Variants in ATP2B2 observed in about 807,000 individuals in gnomAD.
ATP2B2 encodes the protein ATPase plasma membrane Ca2+ transporting 2.
In ATP2B2, 15 loss-of-function variants were observed where a neutral mutation model predicts 120.0. The ratio of observed to expected loss-of-function variants is 0.12; its 90% CI spans 0.08 to 0.19. The LOEUF is 0.19. Ranked by LOEUF, ATP2B2 falls within the 10% of genes least tolerant of loss-of-function variation. ATP2B2 has a pLI of 1.00. For synonymous variants in ATP2B2, 694 were observed against 700.3 expected, an observed-to-expected ratio of 0.99 and a Z score of 0.14; for missense variants, 1,045 against 1,719.8, an observed-to-expected ratio of 0.61 and a Z score of 6.94.
At chr3:10,667,466 C>T (rs894579084) in intron 1 of ATP2B2, among the ~76,000 whole-genome samples, 2 of 152,202 alleles carry the variant, frequency 1.3e-5, no homozygotes, top group African/African-American at 4.8e-5. Context: ...TGGGTGAGAA[C>T]GCATCCTTCT....
rs141184574 is a variant in ATP2B2, at chr3:10,568,288, C to T, written c.-414-34155G>A. Among the ~76,000 whole-genome samples the T allele has an allele frequency of 2.5e-3, 376 of 152,314 alleles. 1 individual carries two copies. The highest frequency in any genetic ancestry group is 8.6e-3 in the African/African-American group (356 of 41,572). On this transcript the variant is annotated intron_variant, in intron 2 of 21. Transcript: ENST00000646379. ...CGGTACTGTGAACCAAGCCAGCTTG[C>T]TCATCCAGTGCCATATTCTCCACCC...
chr3:10,433,961 C>T (rs979303855), intron 2 of ATP2B2, among the ~76,000 whole-genome samples: 1 of 152,070 alleles, frequency 6.6e-6, no homozygotes, highest in Non-Finnish European at 1.5e-5. Context: ...TTGCTCACTG[C>T]TATATACCTA....
chr3:10,419,425 A>C (rs1370622173), intron 2 of ATP2B2, among the ~76,000 whole-genome samples: 2 of 152,150 alleles, frequency 1.3e-5, no homozygotes, highest in Non-Finnish European at 2.9e-5. Flanking sequence ...ACCACCGTAC[A>C]CCACTAATGT....
chr3:10,522,655 G>T lies in ATP2B2; in HGVS notation c.-320+11384C>A, dbSNP rs562818800. 4.6e-5 allele frequency among the ~76,000 whole-genome samples: 7 copies of T among 152,314 alleles called. No homozygotes were observed. In the South Asian group the frequency reaches 1.5e-3, roughly 32 times the overall value. On this transcript the variant is annotated intron_variant, in intron 3 of 21. Coordinates refer to the ATP2B2 transcript ENST00000646379. ...CCCGAACAGGAGTAGGCCTCTGAAG[G>T]ACTCACATCCACACCATCCGTTTGT...
At chr3:10,516,583 G>C (rs1013523584) in intron 3 of ATP2B2, among the ~76,000 whole-genome samples, 2 of 152,154 alleles carry the variant, frequency 1.3e-5, no homozygotes, top group African/African-American at 4.8e-5. Flanking sequence ...GACCTTTCCA[G>C]GTCTAACTCT....
At chr3:10,503,489 G>T (rs1044914241) in intron 1 of ATP2B2, among the ~76,000 whole-genome samples, 1 of 152,356 alleles carries the variant, frequency 6.6e-6, no homozygotes, top group East Asian at 1.9e-4. Context: ...AGGCTGTGGC[G>T]GGCACTTAGG....
At chr3:10,551,640 C>A (rs1404646250) in intron 2 of ATP2B2, among the ~76,000 whole-genome samples, 1 of 152,184 alleles carries the variant, frequency 6.6e-6, no homozygotes, top group African/African-American at 2.4e-5. Context: ...AGAGTTCAAA[C>A]CTTCAGCCCG....
At chr3:10,458,883 C>T (rs1257077055) in intron 1 of ATP2B2, among the ~76,000 whole-genome samples, 1 of 152,224 alleles carries the variant, frequency 6.6e-6, no homozygotes, top group Non-Finnish European at 1.5e-5. Context: ...TCCCCTTGTC[C>T]TTCAACAACT....
chr3:10,338,329 G>A lies in ATP2B2; in HGVS notation c.3267C>T (p.Leu1089=). 1.2e-6 allele frequency: 2 copies of A among 1,614,152 alleles called. No homozygotes were observed. Among genetic ancestry groups the A allele is most frequent in the Non-Finnish European group, 8.5e-7 (1 of 1,180,026 alleles). ...GCCTGCCTGCCTCCTTGAGGAACTT[G>A]AGTCTGCTGGTCGGGATGGTGGCGA... The part of the protein sequence containing the change: ...QVIATIPTSR[L]KFLKEAGRLT... The change falls in exon 22 of 23, where the codon CTC becomes CTT. Residue 1089 remains leucine, a synonymous_variant. Transcript: ENST00000360273.
intron 6 of ATP2B2, 97 bp from the exon 7 acceptor site, chr3:10,386,609 A>G: frequency 2.0e-5 from 26 of 1,301,002 alleles, no homozygotes; most frequent in African/African-American, 2.9e-5. Context: ...ATGTGCATAC[A>G]CACATGGCCA....
At chr3:10,568,921 G>A (rs1456162169) in intron 2 of ATP2B2, among the ~76,000 whole-genome samples, 1 of 152,116 alleles carries the variant, frequency 6.6e-6, no homozygotes, top group East Asian at 1.9e-4. Flanking sequence ...ACAGTGTCAG[G>A]GACAAAAAGA....
intron 2 of ATP2B2, among the ~76,000 whole-genome samples, chr3:10,411,459 G>A (rs965167034): frequency 6.6e-6 from 1 of 152,180 alleles, no homozygotes; most frequent in Non-Finnish European, 1.5e-5. Context: ...GCCGCCTTGC[G>A]CTGGTACCCT....
intron 2 of ATP2B2, among the ~76,000 whole-genome samples, chr3:10,607,589 C>G (rs2069121102): frequency 6.6e-6 from 1 of 152,180 alleles, no homozygotes; most frequent in South Asian, 2.1e-4. Context: ...TCTGCACAAC[C>G]AACCTGCTCA....
chr3:10,546,491 G>C (rs1291994539), intron 2 of ATP2B2, among the ~76,000 whole-genome samples: 1 of 152,098 alleles, frequency 6.6e-6, no homozygotes, highest in Non-Finnish European at 1.5e-5. Flanking sequence ...GCCTGGTCCC[G>C]CCCCAGCTGC....
rs78844041 is a variant in ATP2B2 at position 10,681,851 on chromosome 3, C to G, written c.-460+26064G>C. On this transcript the variant is annotated intron_variant, in intron 1 of 21. Transcript: ENST00000646379. ...GCTCCAAAGCCTGCAAACTGAACTA[C>G]TCTGCTGACCCAGTCCCTGTCTTTG... Among the ~76,000 whole-genome samples the G allele has an allele frequency of 7.5e-3, 1,141 of 152,298 alleles. 15 individuals are homozygous for G. Among genetic ancestry groups the G allele is most frequent in the African/African-American group, 0.026 (1,096 of 41,560 alleles).
At chr3:10,671,387 A>T (rs1342105281) in intron 1 of ATP2B2, among the ~76,000 whole-genome samples, 2 of 152,140 alleles carry the variant, frequency 1.3e-5, no homozygotes, top group Non-Finnish European at 2.9e-5. Context: ...ACTTCTCAAA[A>T]TTCCACATGC....
intron 2 of ATP2B2, among the ~76,000 whole-genome samples, chr3:10,414,369 A>G (rs1344864549): frequency 1.3e-5 from 2 of 152,200 alleles, no homozygotes; most frequent in African/African-American, 4.8e-5. Context: ...TGAGATCCTG[A>G]GTCCCAGGAC....
At chr3:10,442,097 A>C (rs1421364281) in intron 2 of ATP2B2, among the ~76,000 whole-genome samples, 1 of 152,144 alleles carries the variant, frequency 6.6e-6, no homozygotes, top group African/African-American at 2.4e-5. Flanking sequence ...ATCCCAGGGA[A>C]CAATGTGTTG....
intron 1 of ATP2B2, among the ~76,000 whole-genome samples, chr3:10,651,822 C>A (rs925309761): frequency 6.6e-6 from 1 of 151,992 alleles, no homozygotes; most frequent in African/African-American, 2.4e-5. Flanking sequence ...TAGCTAGTGT[C>A]AAGGATTATA....
Sources: gnomAD v4.1 joint callset for allele counts (sites outside exome capture counted in the v4.1 genomes callset) on GRCh38, gnomAD v4.1.1 for gene constraint, MANE v1.5 for transcripts, NCBI Gene and HGNC (gene_info 2026-07-23, HGNC 2026-07-21) for gene names.